SMU1: variants seen among roughly 807,000 people sequenced by gnomAD.
The protein encoded by SMU1 is WD40 repeat-containing protein SMU1.
Under a neutral mutation model 62.0 loss-of-function variants are expected in SMU1, and 2 were observed. That is an observed-to-expected ratio of 0.03 (90% CI 0.01 to 0.10). The LOEUF (loss-of-function observed/expected upper bound fraction) is 0.10. Ranked by LOEUF, SMU1 falls within the 10% of genes least tolerant of loss-of-function variation. The pLI is 1.00. For synonymous variants in SMU1, 188 were observed against 212.4 expected (o/e 0.89, Z 1.00); for missense variants, 227 against 622.1 (o/e 0.36, Z 6.76).
intron 8 of SMU1, 63 bp from the exon 9 acceptor site, chr9:33,056,302 G>A (rs1384469854): frequency 2.0e-6 from 3 of 1,469,238 alleles, no homozygotes; most frequent in African/African-American, 1.4e-5. Flanking sequence ...TGTGACCAAC[G>A]ATTGAATGCA....
rs1839512812 is a variant in SMU1, at chr9:33,073,785, C to T, written c.48G>A (p.Gln16=). The change falls in exon 2 of 12, where the codon CAG becomes CAA. Residue 16 remains glutamine (Q), a synonymous_variant. Coordinates refer to ENST00000397149, the MANE Select transcript of SMU1 (RefSeq NM_018225.3). The stretch of plus-strand genomic sequence containing the variant: ...GATGTAAACTGTTCTCCTTCAAGTA[C>T]TGCATAATAAGGCGGATCACACTGA... The part of the protein sequence containing the change: ...ESSDVIRLIM[Q]YLKENSLHRA... 1 of 1,614,076 alleles carries T rather than the reference C, an allele frequency of 6.2e-7. No homozygotes were observed. The highest frequency in any genetic ancestry group is 8.5e-7 in the Non-Finnish European group (1 of 1,180,032).
chr9:33,063,370 A>G (rs1368697911), intron 4 of SMU1, among the ~76,000 whole-genome samples: 1 of 152,240 alleles, frequency 6.6e-6, no homozygotes, highest in Non-Finnish European at 1.5e-5. Context: ...CCAAAAAAAA[A>G]AGCCTAATTC....
chr9:33,066,938 T>C (rs564353333), intron 4 of SMU1, among the ~76,000 whole-genome samples: 3 of 151,842 alleles, frequency 2.0e-5, no homozygotes, highest in East Asian at 1.9e-4. Flanking sequence ...CTAGTCCTGA[T>C]GGGAACAAAA....
At chr9:33,072,434 T>C (rs1839497001) in intron 2 of SMU1, among the ~76,000 whole-genome samples, 1 of 152,200 alleles carries the variant, frequency 6.6e-6, no homozygotes, top group Admixed American at 6.5e-5. Flanking sequence ...AGAATGTAGA[T>C]GCCAAAGAAA....
intron 3 of SMU1, among the ~76,000 whole-genome samples, chr9:33,070,760 C>T (rs145703817): frequency 2.6e-4 from 39 of 152,108 alleles, no homozygotes; most frequent in South Asian, 6.2e-4. Flanking sequence ...TTATGGTAAG[C>T]GAAATAAGCC....
rs368172080 is a variant in SMU1 at position 33,062,186 on chromosome 9, A to G, written c.502-9T>C. On this transcript the variant is annotated splice_polypyrimidine_tract_variant and intron_variant, in intron 4 of 11. Coordinates refer to ENST00000397149, the MANE Select transcript of SMU1 (RefSeq NM_018225.3). ...TGCTGCCACTTCAGTGCCTATGAGG[A>G]AAAAAAAAAATATAGCAATCTGTTC... The G allele has an allele frequency of 7.0e-5, 68 of 971,516 alleles. No homozygotes were observed. Among genetic ancestry groups the G allele is most frequent in the African/African-American group, 6.6e-4 (36 of 54,310 alleles). The allele number at this position is 971,516 out of a possible 1,614,324, so 60.2% of individuals were successfully genotyped here. A position where few individuals can be genotyped will look rare whatever the true frequency, so the allele number is the denominator to read the frequency against.
intron 4 of SMU1, among the ~76,000 whole-genome samples, chr9:33,066,963 G>C (rs980273696): frequency 2.4e-4 from 36 of 152,132 alleles, no homozygotes; most frequent in African/African-American, 8.4e-4. Context: ...AAGGGCCTCA[G>C]GAAAGATATC....
chr9:33,053,062 G>A, intron 10 of SMU1, 61 bp downstream of exon 10: 1 of 1,518,050 alleles, frequency 6.6e-7, no homozygotes, highest in Non-Finnish European at 9.1e-7. Context: ...GCCTGGACCA[G>A]GAAGTGCTGA....
intron 4 of SMU1, among the ~76,000 whole-genome samples, chr9:33,063,039 T>C (rs1239210232): frequency 2.0e-5 from 3 of 152,140 alleles, no homozygotes; most frequent in African/African-American, 7.2e-5. Context: ...GACTCCCAGT[T>C]TTGCCAACTG....
chr9:33,070,904 G>A (rs1231512997), intron 3 of SMU1, among the ~76,000 whole-genome samples: 1 of 152,114 alleles, frequency 6.6e-6, no homozygotes, highest in Admixed American at 6.6e-5. Context: ...GAAGGAAAGT[G>A]GGGATGGTTA....
intron 10 of SMU1, 80 bp downstream of exon 10, chr9:33,053,043 G>T: frequency 7.4e-7 from 1 of 1,344,536 alleles, no homozygotes; most frequent in Non-Finnish European, 1.0e-6. Context: ...TTGGTTATTG[G>T]GAGGGTGGGC....
intron 6 of SMU1, among the ~76,000 whole-genome samples, chr9:33,059,650 G>C (rs765451905): frequency 6.7e-6 from 1 of 148,932 alleles, no homozygotes; most frequent in Non-Finnish European, 1.5e-5. Flanking sequence ...TTGTTGCCCA[G>C]GCTGGAGTGC....
At chr9:33,055,860 C>T (rs1159915240) in intron 9 of SMU1, among the ~76,000 whole-genome samples, 2 of 152,198 alleles carry the variant, frequency 1.3e-5, no homozygotes, top group Non-Finnish European at 2.9e-5. Flanking sequence ...AAGTTTAGGA[C>T]TCTTCACCCT....
chr9:33,068,997 T>C (rs1839456976), intron 3 of SMU1, 63 bp from the exon 4 acceptor site: 1 of 1,565,644 alleles, frequency 6.4e-7, no homozygotes, highest in African/African-American at 1.4e-5. Context: ...AGTGTGCTTA[T>C]TTAAAACAAA....
In SMU1 at chr9:33,043,107, ACAGGCTT is replaced by A. The variant is rs1209751562; in HGVS notation, c.*4179_*4185del. 3 of 152,356 alleles carry A rather than the reference ACAGGCTT, an allele frequency of 2.0e-5. No homozygotes were observed. The highest frequency in any genetic ancestry group is 4.4e-5 in the Non-Finnish European group (3 of 68,154). The allele number at this position is 152,356 out of a possible 1,614,324, so 9.4% of individuals were successfully genotyped here. On this transcript the variant is annotated 3_prime_UTR_variant, in exon 12 of 12. Transcript: ENST00000397149. ...CTCGGCCTCCCAAAGTGCTGGGATT[ACAGGCTT>A]GAGCCACCGTGCCCGGCCTATTGTA...
chr9:33,068,810 AG>A lies in SMU1; in HGVS notation c.501+13del. ...GTGAGCCACCACACCTGGCCTCTAC[AG>A]GAATTGAATTACCTGTCCCAGCAAT... On this transcript the variant is annotated intron_variant, in intron 4 of 11. Coordinates refer to ENST00000397149, the MANE Select transcript of SMU1 (RefSeq NM_018225.3). 1 of 1,613,488 alleles carries A rather than the reference AG, an allele frequency of 6.2e-7. No homozygotes were observed. Among genetic ancestry groups the A allele is most frequent in the East Asian group, 2.2e-5 (1 of 44,846 alleles).
chr9:33,051,559 G>C (rs576567490), intron 10 of SMU1, among the ~76,000 whole-genome samples: 10 of 152,150 alleles, frequency 6.6e-5, no homozygotes, highest in Admixed American at 2.6e-4. Flanking sequence ...CTGTGCCCGT[G>C]GGAGGGACAG....
rs1365631749 is a variant in SMU1 at position 33,071,800 on chromosome 9, C to T, written c.330G>A (p.Gln110=). 1 of 1,610,718 alleles carries T rather than the reference C, an allele frequency of 6.2e-7. No individual in the cohort carries two copies. Among genetic ancestry groups the T allele is most frequent in the Admixed American group, 1.7e-5 (1 of 59,240 alleles). ...TDPMIMLKQT[Q]PERYIHLENL... ...TCTCCAGATGAATATATCGCTCTGG[C>T]TGTGTTTGTTTTAACATGATCATGG... The change falls in exon 3 of 12, where the codon CAG becomes CAA. Residue 110 remains glutamine, a synonymous_variant. Coordinates refer to ENST00000397149, the MANE Select transcript of SMU1 (RefSeq NM_018225.3).
chr9:33,042,916 A>T lies in SMU1; in HGVS notation c.*4377T>A, dbSNP rs1839141322. 1 of 152,232 alleles carries T rather than the reference A, an allele frequency of 6.6e-6. No individual in the cohort carries two copies. Among genetic ancestry groups the T allele is most frequent in the Non-Finnish European group, 1.5e-5 (1 of 68,134 alleles). 9.4% of individuals were successfully genotyped at this position (152,232 alleles called of 1,614,324 possible). ...AGTGGCACAGTCTCAGCTCACTGCAACCTCTGCCTCCCGGGTTCCAGCTAT... is the reference window on the plus strand; with the variant it reads ...AGTGGCACAGTCTCAGCTCACTGCATCCTCTGCCTCCCGGGTTCCAGCTAT... On this transcript the variant is annotated 3_prime_UTR_variant, in exon 12 of 12. Coordinates refer to ENST00000397149, the MANE Select transcript of SMU1 (RefSeq NM_018225.3).
Sources: allele counts gnomAD v4.1 joint callset (sites outside exome capture counted in the v4.1 genomes callset), GRCh38; gene constraint gnomAD v4.1.1; transcripts MANE v1.5; gene names NCBI Gene and HGNC (gene_info 2026-07-23, HGNC 2026-07-21).